Variants in VPS13D observed in about 807,000 individuals in gnomAD.
VPS13D encodes the protein intermembrane lipid transfer protein VPS13D.
In VPS13D, 187 loss-of-function variants were observed where a neutral mutation model predicts 461.9. The observed-to-expected ratio is 0.40, with a 90% CI of 0.36 to 0.46. The LOEUF is 0.46. VPS13D is among the 20% of genes least tolerant of loss of function. The probability of loss-of-function intolerance (pLI) is 0.60; values close to 1 mark genes in which losing one functional copy is unlikely to be tolerated. For missense variants in VPS13D, 4,711 were observed against 5,364.9 expected, an observed-to-expected ratio of 0.88 and a Z score of 3.81; for synonymous variants, 1,951 against 1,986.3, an observed-to-expected ratio of 0.98 and a Z score of 0.47.
intron 63 of VPS13D, among the ~76,000 whole-genome samples, chr1:12,405,117 C>T (rs1209723633): frequency 6.6e-6 from 1 of 152,232 alleles, no homozygotes; most frequent in Non-Finnish European, 1.5e-5. Flanking sequence ...GCGAGTGGAG[C>T]TGCACACCGG....
chr1:12,401,937 G>T (rs2101684387), intron 62 of VPS13D, among the ~76,000 whole-genome samples: 1 of 152,266 alleles, frequency 6.6e-6, no homozygotes, highest in South Asian at 2.1e-4. Flanking sequence ...CTGGAATCCT[G>T]GAGTATCCAG....
chr1:12,437,336 A>G (rs1303942949), intron 65 of VPS13D, among the ~76,000 whole-genome samples: 1 of 152,116 alleles, frequency 6.6e-6, no homozygotes, highest in Non-Finnish European at 1.5e-5. Flanking sequence ...AGGCCTTTAG[A>G]CCCTAAAACA....
rs1643574325 is a variant in VPS13D at position 12,341,809 on chromosome 1, C to G, written c.8656C>G (p.Pro2886Ala). The stretch of plus-strand genomic sequence containing the variant: ...GGTGAAAACCCCCAAGCGCCGGCAG[C>G]CATTTGTCCCCTTTGCTCTGAGGAA... ...AEVKTPKRRQPFVPFALRNHT... is the reference protein window; with the variant it reads ...AEVKTPKRRQAFVPFALRNHT... The change falls in exon 41 of 70, where the codon CCA (proline) becomes GCA (alanine). Residue 2886 changes from proline (P) to alanine (A), a missense_variant. Coordinates refer to ENST00000620676, the MANE Select transcript of VPS13D (RefSeq NM_015378.4). 1.2e-5 allele frequency: 20 copies of G among 1,613,974 alleles called. No homozygotes were observed. The highest frequency in any genetic ancestry group is 1.7e-5 in the Non-Finnish European group (20 of 1,179,980).
intron 67 of VPS13D, among the ~76,000 whole-genome samples, chr1:12,482,908 T>C (rs1217580555): frequency 6.6e-6 from 1 of 152,084 alleles, no homozygotes; most frequent in Non-Finnish European, 1.5e-5. Context: ...AAATCATTTT[T>C]AACATTTACA....
rs749342057 is a variant in VPS13D at position 12,308,563 on chromosome 1, A to G, written c.6572A>G (p.Tyr2191Cys). Reference protein sequence around the residue: ...DSSGDLIFPSYFVRQTGGSLL... With the variant: ...DSSGDLIFPSCFVRQTGGSLL... ...AGTGGAGATCTGATCTTCCCTTCCT[A>G]TTTTGTGCGACAGACAGGAGGAAGC... Residue 2191 changes from tyrosine (Y) to cysteine (C), a missense_variant, in exon 27 of 70, where the codon TAT (tyrosine) becomes TGT (cysteine). Transcript: ENST00000620676. The G allele has an allele frequency of 1.9e-6, 3 of 1,612,942 alleles. No individual in the cohort carries two copies. Among genetic ancestry groups the G allele is most frequent in the South Asian group, 2.2e-5 (2 of 91,036 alleles).
chr1:12,268,714 C>A lies in VPS13D; in HGVS notation c.1810C>A (p.Pro604Thr), dbSNP rs765755070. ...DRSDHYPAAD[P>T]DGPVFEMLYE... ...CCTGTTCTTTCCTTTAGCTGCAGAT[C>A]CAGATGGCCCCGTTTTTGAGATGCT... Residue 604 changes from proline to threonine, a missense_variant, in exon 16 of 70, where the codon CCA becomes ACA. By Grantham distance (38) the Pro-to-Thr change is conservative. This residue lies in a region of VPS13D where 4,411 missense variants were observed against 4,937.8 expected (regional missense o/e 0.89). Coordinates refer to ENST00000620676, the MANE Select transcript of VPS13D (RefSeq NM_015378.4). The A allele has an allele frequency of 2.5e-6, 4 of 1,613,048 alleles. No individual in the cohort carries two copies. In the South Asian group the frequency reaches 4.4e-5, roughly 18 times the overall value.
At chr1:12,325,094 T>C (rs1211804211) in intron 35 of VPS13D, among the ~76,000 whole-genome samples, 7 of 152,096 alleles carry the variant, frequency 4.6e-5, no homozygotes, top group Non-Finnish European at 1.0e-4. Flanking sequence ...TTTTTCCCCC[T>C]TTTTTAAAAG....
intron 65 of VPS13D, among the ~76,000 whole-genome samples, chr1:12,432,121 C>A (rs573633590): frequency 1.5e-4 from 23 of 152,202 alleles, no homozygotes; most frequent in African/African-American, 5.5e-4. Context: ...AAGCCAGGTG[C>A]GGTGGCTTAC....
At chr1:12,433,279 CAAAA>C (rs1005521810) in intron 65 of VPS13D, among the ~76,000 whole-genome samples, 1 of 151,316 alleles carries the variant, frequency 6.6e-6, no homozygotes, top group Non-Finnish European at 1.5e-5. Context: ...AACAAAAAAA[CAAAA>C]AAACAACAAC....
intron 31 of VPS13D, 111 bp from the exon 32 acceptor site, chr1:12,319,386 T>C (rs1642972286): frequency 6.8e-7 from 1 of 1,460,772 alleles, no homozygotes. Context: ...AGAAAAATCT[T>C]ACTGGTTCAT....
At chr1:12,234,562 T>C (rs1640087859) in intron 2 of VPS13D, among the ~76,000 whole-genome samples, 199 bp downstream of exon 2, 1 of 152,250 alleles carries the variant, frequency 6.6e-6, no homozygotes, top group Admixed American at 6.5e-5. Flanking sequence ...TTTAAGGAAC[T>C]ATTAAATATT....
Position 12,334,853 on chromosome 1 carries a change from T to G in VPS13D, c.8429-852T>G, listed in dbSNP as rs949440483. Among the ~76,000 whole-genome samples, 15 of 152,318 alleles carry G rather than the reference T, an allele frequency of 9.8e-5. No individual in the cohort carries two copies. In the East Asian group the frequency reaches 2.9e-3, roughly 29 times the overall value. Reference sequence around the variant, plus strand: ...GTTTTTTTCACCTTCAATTCCTTGTTCCGAATACTATACTGAAACCCAGAA... The same window carrying G: ...GTTTTTTTCACCTTCAATTCCTTGTGCCGAATACTATACTGAAACCCAGAA... On this transcript the variant is annotated intron_variant, in intron 38 of 69. Transcript: ENST00000620676.
At chr1:12,272,296 G>A (rs1641467157) in intron 17 of VPS13D, among the ~76,000 whole-genome samples, 1 of 152,158 alleles carries the variant, frequency 6.6e-6, no homozygotes, top group Admixed American at 6.5e-5. Context: ...CTTTTGGACA[G>A]TGCAGAGTAA....
chr1:12,403,795 T>C lies in VPS13D; in HGVS notation c.11882-30T>C, dbSNP rs1570104187. On this transcript the variant is annotated intron_variant, in intron 62 of 69. Transcript: ENST00000620676. ...GGATCATGAGACTAAGAAATTCTTT[T>C]TTGTTTTTTTAATTCTTCCTTTGTA... The C allele has an allele frequency of 2.8e-5, 43 of 1,557,996 alleles. No homozygotes were observed. In the East Asian group the frequency reaches 9.3e-4, roughly 34 times the overall value.
chr1:12,419,302 C>A (rs895997426), intron 65 of VPS13D, among the ~76,000 whole-genome samples: 3 of 152,160 alleles, frequency 2.0e-5, no homozygotes, highest in Admixed American at 1.3e-4. Context: ...AGTTGTCTTG[C>A]CTTTAATAAG....
In VPS13D at chr1:12,279,865, G is replaced by A. The variant is rs946033789; in HGVS notation, c.4602+215G>A. Among the ~76,000 whole-genome samples the A allele has an allele frequency of 3.9e-5, 6 of 152,140 alleles. No homozygotes were observed. Among genetic ancestry groups the A allele is most frequent in the African/African-American group, 1.4e-4 (6 of 41,426 alleles). On this transcript the variant is annotated intron_variant, in intron 20 of 69. Coordinates refer to ENST00000620676, the MANE Select transcript of VPS13D (RefSeq NM_015378.4). The surrounding 1 kb of genome is among the most constrained non-coding windows in gnomAD (Gnocchi z 4.3). ...TCAGCCTTTTTCATATGGAGGAGGG[G>A]TGGGTTATCTAGAGGAAGACGGCAG...
At chr1:12,280,236 G>GTC (rs1362975285) in intron 20 of VPS13D, among the ~76,000 whole-genome samples, 2 of 152,062 alleles carry the variant, frequency 1.3e-5, no homozygotes, top group South Asian at 4.2e-4. Flanking sequence ...CTCTTAGGAC[G>GTC]GTCTGTGGTC....
rs1012827676 is a variant in VPS13D at position 12,473,261 on chromosome 1, T to C, written c.12662+12865T>C. On this transcript the variant is annotated intron_variant, in intron 67 of 69. Coordinates refer to ENST00000620676, the MANE Select transcript of VPS13D (RefSeq NM_015378.4). This position sits in a 1 kb window ranked among gnomAD's most constrained non-coding sequence, Gnocchi z 4.2. ...CTTTCTTCAAAGAGAAGCGCTTGTT[T>C]CAGAAAAAGATGTGGAAAGGACGTA... 1.3e-5 allele frequency among the ~76,000 whole-genome samples: 2 copies of C among 152,176 alleles called. No individual in the cohort carries two copies. Among genetic ancestry groups the C allele is most frequent in the African/African-American group, 4.8e-5 (2 of 41,438 alleles).
At chr1:12,266,795 T>C in intron 13 of VPS13D, 86 bp from the exon 14 acceptor site, 2 of 1,198,290 alleles carry the variant, frequency 1.7e-6, no homozygotes, top group South Asian at 2.1e-5. Flanking sequence ...TATAATAATC[T>C]TCTGTAAAAT....
Sources: allele counts gnomAD v4.1 joint callset (sites outside exome capture counted in the v4.1 genomes callset), GRCh38; gene constraint gnomAD v4.1.1; regional missense constraint gnomAD v4.1.1; non-coding constraint Gnocchi (gnomAD v3.1); transcripts MANE v1.5; gene names NCBI Gene and HGNC (gene_info 2026-07-23, HGNC 2026-07-21).